The following QTGAL variants were observed in gnomAD, a reference collection of about 807,000 sequenced individuals.
QTGAL encodes BGnT-like protein 1.
chr17:83,021,165 G>A, the QTGAL span, among the ~76,000 whole-genome samples: 3 of 152,240 alleles, frequency 2.0e-5, no homozygotes, highest in Middle Eastern at 3.4e-3. Context: ...TTTTGAACAC[G>A]AGGTTGTTGC....
the QTGAL span, among the ~76,000 whole-genome samples, chr17:83,022,239 C>T: frequency 2.0e-5 from 3 of 152,264 alleles, no homozygotes; most frequent in Non-Finnish European, 4.4e-5. Context: ...AGACATGGCC[C>T]CACGTACACC....
chr17:83,041,081 A>ATAAT, the QTGAL span, among the ~76,000 whole-genome samples: 14 of 151,616 alleles, frequency 9.2e-5, 1 homozygote, highest in Middle Eastern at 3.4e-3. Flanking sequence ...AAAAAAAAAA[A>ATAAT]AATGGCTGAA....
the QTGAL span, among the ~76,000 whole-genome samples, chr17:83,024,996 C>T: frequency 1.3e-5 from 2 of 152,340 alleles, no homozygotes; most frequent in Non-Finnish European, 2.9e-5. Context: ...GGTCGTGGGA[C>T]CTAGTCAAAG....
At chr17:83,045,086 A>G in the QTGAL span, among the ~76,000 whole-genome samples, 1 of 152,272 alleles carries the variant, frequency 6.6e-6, no homozygotes, top group East Asian at 1.9e-4. Flanking sequence ...ATTAGAGCTA[A>G]TAATTGTAGG....
the QTGAL span, chr17:83,048,654 G>T: frequency 1.9e-4 from 305 of 1,609,748 alleles, 2 homozygotes; most frequent in Non-Finnish European, 4.2e-5. Context: ...CACCCGACAG[G>T]AAGTTCCTAC....
the QTGAL span, among the ~76,000 whole-genome samples, chr17:82,952,051 T>C: frequency 6.6e-6 from 1 of 152,200 alleles, no homozygotes; most frequent in South Asian, 2.1e-4. Context: ...GCCACACGCC[T>C]GTAATTTATA....
At chr17:82,945,357 T>C in the QTGAL span, 1 of 152,192 alleles carries the variant, frequency 6.6e-6, no homozygotes, top group Admixed American at 6.5e-5. Context: ...CATACTGACA[T>C]GCAACAGTCC....
the QTGAL span, among the ~76,000 whole-genome samples, chr17:82,951,075 T>G: frequency 6.6e-6 from 1 of 152,232 alleles, no homozygotes; most frequent in Admixed American, 6.5e-5. Flanking sequence ...TTGCACATGC[T>G]TAGCGTTCCA....
At chr17:82,993,991 T>C in the QTGAL span, among the ~76,000 whole-genome samples, 9 of 152,114 alleles carry the variant, frequency 5.9e-5, 1 homozygote, top group South Asian at 1.5e-3. Context: ...CCAAAACCTA[T>C]AGGATATAGC....
the QTGAL span, chr17:82,949,033 C>G: frequency 2.6e-5 from 4 of 151,966 alleles, no homozygotes; most frequent in Non-Finnish European, 5.9e-5. Flanking sequence ...AAATACTGAC[C>G]AATAGAAAAA....
the QTGAL span, among the ~76,000 whole-genome samples, chr17:82,954,328 C>T: frequency 4.0e-3 from 606 of 152,170 alleles, 2 homozygotes; most frequent in African/African-American, 0.014. Context: ...GCAAAAATCA[C>T]GAGCATTCCT....
chr17:82,984,158 C>T, the QTGAL span, among the ~76,000 whole-genome samples: 1 of 92,134 alleles, frequency 1.1e-5, no homozygotes, highest in South Asian at 3.1e-4. Context: ...GGGGAGAGGC[C>T]ACGTGAGCAC....
chr17:83,009,273 A>C, the QTGAL span, among the ~76,000 whole-genome samples: 2 of 151,870 alleles, frequency 1.3e-5, no homozygotes, highest in Non-Finnish European at 2.9e-5. Flanking sequence ...AATACAAAAA[A>C]ATTAGCCGGG....
the QTGAL span, chr17:83,005,572 C>T: frequency 1.7e-5 from 12 of 702,716 alleles, no homozygotes; most frequent in African/African-American, 1.7e-4. The surrounding 1 kb of genome is among the most constrained non-coding windows in gnomAD (Gnocchi z 5.6). Context: ...TCTAAGAACT[C>T]ACTTCTTGAA....
the QTGAL span, among the ~76,000 whole-genome samples, chr17:82,970,615 C>T: frequency 3.0e-4 from 30 of 99,972 alleles, no homozygotes; most frequent in South Asian, 1.3e-3. Context: ...CCGCGACCTC[C>T]CCACCCGGCG....
At chr17:82,947,252 C>G in the QTGAL span, 1 of 471,524 alleles carries the variant, frequency 2.1e-6, no homozygotes, top group Non-Finnish European at 3.8e-6. Context: ...CTGACTCTCC[C>G]TGGGGGCACT....
chr17:83,004,619 G>A, the QTGAL span, among the ~76,000 whole-genome samples: 132 of 131,938 alleles, frequency 1.0e-3, 1 homozygote, highest in African/African-American at 4.1e-3. Context: ...TCCTGAGCTC[G>A]CCCTCCCACC....
At chr17:83,008,064 G>A in the QTGAL span, among the ~76,000 whole-genome samples, 6 of 152,210 alleles carry the variant, frequency 3.9e-5, no homozygotes, top group Non-Finnish European at 8.8e-5. Context: ...GAAGAGGCAC[G>A]CTCTCAAGAG....
At chr17:82,966,270 GTC>G in the QTGAL span, among the ~76,000 whole-genome samples, 2 of 150,586 alleles carry the variant, frequency 1.3e-5, no homozygotes, top group Non-Finnish European at 3.0e-5. Context: ...GCTCAGGCTG[GTC>G]TTAAACTCCC....
Sources: allele counts gnomAD v4.1 joint callset (sites outside exome capture counted in the v4.1 genomes callset), GRCh38; gene constraint gnomAD v4.1.1; non-coding constraint Gnocchi (gnomAD v3.1); transcripts MANE v1.5; gene names NCBI Gene and HGNC (gene_info 2026-07-23, HGNC 2026-07-21).